Variants in PCDHGA7 observed in about 807,000 individuals in gnomAD.
The protein encoded by PCDHGA7 is protocadherin gamma-A7.
PCDHGA7 carries 44 observed loss-of-function variants against 58.3 expected under a neutral mutation model. That is an observed-to-expected ratio of 0.75 (90% CI 0.59 to 0.97). The LOEUF (loss-of-function observed/expected upper bound fraction) is 0.97, where lower values mean the gene tolerates loss of function less well. PCDHGA7 is among the 50% of genes least tolerant of loss of function. PCDHGA7 has a pLI of 0.00. For synonymous variants in PCDHGA7, 516 were observed against 504.2 expected (o/e 1.02, Z -0.31); for missense variants, 1,266 against 1,188.7 (o/e 1.06, Z -0.96).
chr5:141,393,744 G>T (rs770821376), intron 1 of PCDHGA7: 3 of 1,613,868 alleles, frequency 1.9e-6, no homozygotes, highest in South Asian at 2.2e-5. Context: ...AGATTATGAA[G>T]AATGTTCATT....
chr5:141,437,638 A>G (rs192433359), intron 1 of PCDHGA7, among the ~76,000 whole-genome samples: 1 of 152,250 alleles, frequency 6.6e-6, no homozygotes, highest in Admixed American at 6.5e-5. Context: ...TGTCAGGTTC[A>G]GAAAAGCAAA....
intron 1 of PCDHGA7, among the ~76,000 whole-genome samples, chr5:141,456,679 T>C (rs1357662868): frequency 2.0e-5 from 3 of 152,104 alleles, no homozygotes; most frequent in Non-Finnish European, 2.9e-5. Flanking sequence ...AAAAATGCAT[T>C]ACTGGCCAGG....
chr5:141,441,762 C>A (rs3805697), intron 1 of PCDHGA7: 10 of 374,012 alleles, frequency 2.7e-5, no homozygotes, highest in Non-Finnish European at 2.2e-5. Flanking sequence ...CGTGAGCCTG[C>A]GCGTGTTGGT....
At chr5:141,404,780 A>G (rs746373854) in intron 1 of PCDHGA7, 2 of 1,612,764 alleles carry the variant, frequency 1.2e-6, no homozygotes, top group African/African-American at 1.3e-5. Flanking sequence ...CCGCCTATTC[A>G]AGGCCAGTGA....
At chr5:141,433,123 C>T (rs575738328) in intron 1 of PCDHGA7, 5 of 1,614,116 alleles carry the variant, frequency 3.1e-6, no homozygotes, top group African/African-American at 2.7e-5. Context: ...TTGAAAAAAG[C>T]GAGCCCCTTT....
At chr5:141,407,512 T>G (rs910710605) in intron 1 of PCDHGA7, among the ~76,000 whole-genome samples, 3 of 152,192 alleles carry the variant, frequency 2.0e-5, no homozygotes, top group Non-Finnish European at 4.4e-5. Flanking sequence ...TCTTAGGCTA[T>G]GTAGGACTTA....
intron 1 of PCDHGA7, chr5:141,421,469 G>C (rs767500900): frequency 2.5e-6 from 4 of 1,614,122 alleles, no homozygotes; most frequent in Non-Finnish European, 3.4e-6. Context: ...GTGAATCCGC[G>C]AAGCGGCAGC....
intron 1 of PCDHGA7, chr5:141,418,442 G>C: frequency 6.2e-7 from 1 of 1,614,010 alleles, no homozygotes; most frequent in Non-Finnish European, 8.5e-7. Flanking sequence ...TCCAGAATTA[G>C]TATTGCAGAA....
In PCDHGA7 at chr5:141,482,773, C is replaced by A. The variant is rs2009076; in HGVS notation, c.2425-12034C>A. ...ATTATGGTATTTCATTATCACTGAA[C>A]CTTAAACTGTGTGTGTGGCCGGGTA... On this transcript the variant is annotated intron_variant, in intron 1 of 3. Coordinates refer to ENST00000518325, the MANE Select transcript of PCDHGA7 (RefSeq NM_018920.4). 9.1e-3 allele frequency among the ~76,000 whole-genome samples: 1,158 copies of A among 127,768 alleles called. 29 individuals carry two copies. Among genetic ancestry groups the A allele is most frequent in the Middle Eastern group, 0.013 (3 of 228 alleles). 83.8% of individuals were successfully genotyped at this position (127,768 alleles called of 152,430 possible). A position where few individuals can be genotyped will look rare whatever the true frequency, so the allele number is the denominator to read the frequency against.
chr5:141,473,274 TA>T (rs2099318463), intron 1 of PCDHGA7, among the ~76,000 whole-genome samples: 1 of 152,210 alleles, frequency 6.6e-6, no homozygotes, highest in South Asian at 2.1e-4. Context: ...ATGCTATGAT[TA>T]TTTTACTATG....
At chr5:141,394,703 A>C (rs138625114) in intron 1 of PCDHGA7, 42,437 of 1,613,130 alleles carry the variant, frequency 0.026, 739 homozygotes, top group East Asian at 0.04. Flanking sequence ...GCACGGCGCG[A>C]GCCCTGCTGG....
Position 141,490,749 on chromosome 5 carries a change from C to T in PCDHGA7, c.2425-4058C>T, listed in dbSNP as rs777124697. 3.1e-6 allele frequency: 5 copies of T among 1,614,098 alleles called. No individual in the cohort carries two copies. The South Asian group carries it at 5.5e-5, about 18-fold the overall frequency. ...GAAATCAGGTTCAGGGAGCCCCAGC[C>T]TCCTCCTTTGTGTATGTCAACCCAG... On this transcript the variant is annotated intron_variant, in intron 1 of 3. Coordinates refer to ENST00000518325, the MANE Select transcript of PCDHGA7 (RefSeq NM_018920.4). The surrounding 1 kb of genome is among the most constrained non-coding windows in gnomAD (Gnocchi z 5.4).
intron 1 of PCDHGA7, chr5:141,403,092 A>G (rs764199669): frequency 6.2e-7 from 1 of 1,614,086 alleles, no homozygotes; most frequent in East Asian, 2.2e-5. Flanking sequence ...ATTGTGGGCA[A>G]CATCTCCAAG....
rs148558897 is a variant in PCDHGA7, at chr5:141,489,890, G to A, written c.2425-4917G>A. On this transcript the variant is annotated intron_variant, in intron 1 of 3. Coordinates refer to ENST00000518325, the MANE Select transcript of PCDHGA7 (RefSeq NM_018920.4). The surrounding 1 kb of genome is among the most constrained non-coding windows in gnomAD (Gnocchi z 4.5). Reference sequence around the variant, plus strand: ...CAGCTGGTGCTTACTGCTGTGGATGGGGGGACCCCAGCCCGCTCAGGGACC... The same window carrying A: ...CAGCTGGTGCTTACTGCTGTGGATGAGGGGACCCCAGCCCGCTCAGGGACC... 6.2e-7 allele frequency: 1 copy of A among 1,614,198 alleles called. No homozygotes were observed. The highest frequency in any genetic ancestry group is 8.5e-7 in the Non-Finnish European group (1 of 1,180,028).
chr5:141,473,367 T>C (rs1343477225), intron 1 of PCDHGA7, among the ~76,000 whole-genome samples: 1 of 152,178 alleles, frequency 6.6e-6, no homozygotes, highest in Non-Finnish European at 1.5e-5. Flanking sequence ...GCCACCAAAA[T>C]AGCATGGTCC....
intron 1 of PCDHGA7, among the ~76,000 whole-genome samples, chr5:141,446,411 G>A (rs778985047): frequency 1.3e-5 from 2 of 152,086 alleles, no homozygotes; most frequent in Non-Finnish European, 2.9e-5. Flanking sequence ...TTGAGTTCCA[G>A]CCATGTTCAT....
chr5:141,462,051 G>A (rs1370612703), intron 1 of PCDHGA7, among the ~76,000 whole-genome samples: 2 of 152,068 alleles, frequency 1.3e-5, no homozygotes, highest in African/African-American at 4.8e-5. Context: ...TTGAACTCCC[G>A]ACCTCAGGTG....
At chr5:141,404,492 C>T (rs770295078) in intron 1 of PCDHGA7, 1 of 1,613,668 alleles carries the variant, frequency 6.2e-7, no homozygotes, top group African/African-American at 1.3e-5. Context: ...CACTGGTGTG[C>T]TGTATGCTCT....
intron 1 of PCDHGA7, among the ~76,000 whole-genome samples, chr5:141,401,154 C>A (rs753624238): frequency 6.6e-5 from 10 of 152,086 alleles, no homozygotes; most frequent in Non-Finnish European, 1.5e-4. Context: ...CCAGCCTGGG[C>A]AATATGGTGA....
Sources: allele counts gnomAD v4.1 joint callset (sites outside exome capture counted in the v4.1 genomes callset), GRCh38; gene constraint gnomAD v4.1.1; non-coding constraint Gnocchi (gnomAD v3.1); transcripts MANE v1.5; gene names NCBI Gene and HGNC (gene_info 2026-07-23, HGNC 2026-07-21).